Variants in KIAA0319 observed in about 807,000 individuals in gnomAD.
KIAA0319 encodes KIAA0319.
In KIAA0319, 83 loss-of-function variants were observed where a neutral mutation model predicts 108.4. The observed-to-expected ratio is 0.77, with a 90% CI of 0.64 to 0.92. The LOEUF is 0.92. Ranked by LOEUF, KIAA0319 falls within the 40% of genes least tolerant of loss-of-function variation. KIAA0319 has a pLI of 0.00. For missense variants in KIAA0319, 1,195 were observed against 1,322.4 expected, an observed-to-expected ratio of 0.90 and a Z score of 1.49; for synonymous variants, 484 against 510.4, an observed-to-expected ratio of 0.95 and a Z score of 0.70.
In KIAA0319 at chr6:24,576,600, C is replaced by T. The variant is rs755710181; in HGVS notation, c.1506-4G>A. On this transcript the variant is annotated splice_region_variant and splice_polypyrimidine_tract_variant and intron_variant, in intron 9 of 20. Transcript: ENST00000378214. ...GTCCGAGTCTGTAACAGTCAACCTA[C>T]AAAAAGGAGAAGAAGCCGTAGTTGG... 2.1e-5 allele frequency: 34 copies of T among 1,611,186 alleles called. No homozygotes were observed. The highest frequency in any genetic ancestry group is 2.8e-5 in the Non-Finnish European group (33 of 1,177,664).
At position 24,546,922 on chromosome 6, in the gene KIAA0319, T is replaced by C; in HGVS notation, c.*243A>G. The C allele has an allele frequency of 2.6e-6, 1 of 391,904 alleles. No individual in the cohort carries two copies. Among genetic ancestry groups the C allele is most frequent in the Non-Finnish European group, 4.6e-6 (1 of 215,792 alleles). 24.3% of individuals were successfully genotyped at this position (391,904 alleles called of 1,614,324 possible). On this transcript the variant is annotated 3_prime_UTR_variant, in exon 21 of 21. Transcript: ENST00000378214. ...TGCCAGCTACAAAAACTCAAAACTC[T>C]TTTAAGTATATACCTTAGAGTTTTA...
intron 1 of KIAA0319, among the ~76,000 whole-genome samples, chr6:24,622,319 TAAAAAAAAA>T (rs5874995): frequency 8.7e-6 from 1 of 114,628 alleles, no homozygotes; most frequent in Non-Finnish European, 1.8e-5. Context: ...TTTGAGAAAT[TAAAAAAAAA>T]AAAAAAAAAG....
chr6:24,616,418 C>T (rs1252580502), intron 1 of KIAA0319, among the ~76,000 whole-genome samples: 1 of 152,146 alleles, frequency 6.6e-6, no homozygotes, highest in African/African-American at 2.4e-5. Context: ...AGTGCAGTGG[C>T]GCCATCTCGG....
intron 4 of KIAA0319, among the ~76,000 whole-genome samples, chr6:24,584,323 A>G (rs1218948890): frequency 6.6e-6 from 1 of 151,962 alleles, no homozygotes; most frequent in African/African-American, 2.4e-5. Flanking sequence ...TAACCAGATT[A>G]CATTGATATA....
chr6:24,579,742 G>A, intron 8 of KIAA0319, 116 bp downstream of exon 8: 1 of 714,062 alleles, frequency 1.4e-6, no homozygotes, highest in Non-Finnish European at 2.3e-6. Flanking sequence ...AGAAGGAGGT[G>A]ATCGTTTATC....
intron 1 of KIAA0319, among the ~76,000 whole-genome samples, chr6:24,601,687 TCTGA>T (rs1770645612): frequency 1.3e-5 from 2 of 152,214 alleles, no homozygotes; most frequent in South Asian, 4.1e-4. Context: ...TTTGGCTTTC[TCTGA>T]CTGGTCCAAA....
chr6:24,573,875 G>A (rs1765088071), intron 10 of KIAA0319, among the ~76,000 whole-genome samples: 1 of 152,092 alleles, frequency 6.6e-6, no homozygotes, highest in Admixed American at 6.6e-5. Flanking sequence ...CCAGCACTTT[G>A]GGAGGCTACG....
chr6:24,547,400 C>A, intron 20 of KIAA0319, 57 bp from the exon 21 acceptor site: 1 of 1,499,746 alleles, frequency 6.7e-7, no homozygotes, highest in South Asian at 1.2e-5. Flanking sequence ...TTCCAGCTGT[C>A]AGTCGTTGTG....
chr6:24,599,391 A>G lies in KIAA0319; in HGVS notation c.55+1658T>C. On this transcript the variant is annotated intron_variant, in intron 2 of 20. Transcript: ENST00000378214. The surrounding 1 kb of genome is among the most constrained non-coding windows in gnomAD (Gnocchi z 4.1). ...GGAGAAGCGTGGGGAGCTGGCCATT[A>G]AGGATGCCAATGCCAAGCTGTCCAA... 1.8e-6 allele frequency: 1 copy of G among 546,604 alleles called. No homozygotes were observed. Among genetic ancestry groups the G allele is most frequent in the Non-Finnish European group, 3.5e-6 (1 of 283,622 alleles). The allele number at this position is 546,604 out of a possible 1,614,324, so 33.9% of individuals were successfully genotyped here.
Position 24,583,671 on chromosome 6 carries a change from GT to G in KIAA0319, c.1025del (p.Asn342ThrfsTer2), listed in dbSNP as rs1561994498. 6.2e-7 allele frequency: 1 copy of G among 1,613,300 alleles called. No homozygotes were observed. The highest frequency in any genetic ancestry group is 8.5e-7 in the Non-Finnish European group (1 of 1,179,500). On this transcript the variant is annotated frameshift_variant, in exon 5 of 21. Coordinates refer to ENST00000378214, the MANE Select transcript of KIAA0319 (RefSeq NM_014809.4). LOFTEE classifies it high-confidence loss of function. Reference sequence around the variant, plus strand: ...CATTGTCGGGTAAAGTTATAATTAGGTTATCTCCAGCCGATACCGTAAGTTC... The same window carrying G: ...CATTGTCGGGTAAAGTTATAATTAGGTATCTCCAGCCGATACCGTAAGTTC... ...VKELTVSAGD[N>X]LIITLPDNEV...
intron 11 of KIAA0319, 132 bp downstream of exon 11, chr6:24,572,443 T>A: frequency 1.0e-6 from 1 of 984,996 alleles, no homozygotes; most frequent in Non-Finnish European, 1.5e-6. Flanking sequence ...AACCTTGAAA[T>A]GAAATTAGTT....
At chr6:24,609,290 G>T (rs201738093) in intron 1 of KIAA0319, among the ~76,000 whole-genome samples, 2 of 91,504 alleles carry the variant, frequency 2.2e-5, no homozygotes, top group South Asian at 3.5e-4. Context: ...AAAAAAAAAA[G>T]AAAAAAAAAA....
chr6:24,598,130 G>C, intron 2 of KIAA0319: 1 of 443,464 alleles, frequency 2.3e-6, no homozygotes. Flanking sequence ...AGCTTCTCTC[G>C]AGTGGGCAGC....
chr6:24,556,499 C>T (rs1021689107), intron 18 of KIAA0319, 108 bp downstream of exon 18: 1 of 1,236,228 alleles, frequency 8.1e-7, no homozygotes, highest in Admixed American at 2.2e-5. Context: ...GGTGAAGTCT[C>T]ACTATGTTGC....
chr6:24,582,859 T>C (rs928394089), intron 5 of KIAA0319, among the ~76,000 whole-genome samples: 2 of 152,136 alleles, frequency 1.3e-5, no homozygotes, highest in Non-Finnish European at 2.9e-5. Flanking sequence ...TATAAACATG[T>C]CTATGTTAAG....
In KIAA0319 at chr6:24,601,127, G is replaced by T. The variant is rs553072718; in HGVS notation, c.-24C>A. The T allele has an allele frequency of 2.9e-5, 47 of 1,613,612 alleles. No homozygotes were observed. In the South Asian group the frequency reaches 3.7e-4, roughly 13 times the overall value. ...ATTGTGCACCACACAGTGGGTGATG[G>T]CAGGCTTCTGAGGCGGCCCTGAAGA... is the stretch of plus-strand genomic sequence containing the variant. On this transcript the variant is annotated 5_prime_UTR_variant, in exon 2 of 21. Coordinates refer to ENST00000378214, the MANE Select transcript of KIAA0319 (RefSeq NM_014809.4).
intron 2 of KIAA0319, chr6:24,598,135 G>A (rs1770022230): frequency 9.0e-6 from 4 of 445,956 alleles, no homozygotes; most frequent in Non-Finnish European, 1.7e-5. Context: ...CTCTCGAGTG[G>A]GCAGCAGCAG....
intron 18 of KIAA0319, 112 bp downstream of exon 18, chr6:24,556,495 G>T: frequency 8.5e-7 from 1 of 1,178,610 alleles, no homozygotes; most frequent in Non-Finnish European, 1.2e-6. Context: ...TAAAGGTGAA[G>T]TCTCACTATG....
chr6:24,599,615 T>C lies in KIAA0319; in HGVS notation c.55+1434A>G. 1 of 625,170 alleles carries C rather than the reference T, an allele frequency of 1.6e-6. No homozygotes were observed. The allele number at this position is 625,170 out of a possible 1,614,324, so 38.7% of individuals were successfully genotyped here. On this transcript the variant is annotated intron_variant, in intron 2 of 20. Coordinates refer to ENST00000378214, the MANE Select transcript of KIAA0319 (RefSeq NM_014809.4). This position sits in a 1 kb window ranked among gnomAD's most constrained non-coding sequence, Gnocchi z 4.1. ...CAAAGACCACCAGTGGCTACTCAGG[T>C]GAGCTGAGCTCAGCCTATGGGGGCC... is the stretch of plus-strand genomic sequence containing the variant.
Sources: gnomAD v4.1 joint callset for allele counts (sites outside exome capture counted in the v4.1 genomes callset) on GRCh38, gnomAD v4.1.1 for gene constraint, Gnocchi (gnomAD v3.1) non-coding constraint, MANE v1.5 for transcripts, NCBI Gene and HGNC (gene_info 2026-07-23, HGNC 2026-07-21) for gene names.